Variants in PCDH7 observed in about 807,000 individuals in gnomAD.
PCDH7 encodes the protein protocadherin 7.
A neutral mutation model predicts 58.9 loss-of-function variants in PCDH7; 17 were observed. The ratio of observed to expected loss-of-function variants is 0.29; its 90% CI spans 0.20 to 0.43. The LOEUF (loss-of-function observed/expected upper bound fraction) is 0.43, where lower values mean the gene tolerates loss of function less well. PCDH7 is among the 20% of genes least tolerant of loss of function. The pLI is 1.00. For missense variants in PCDH7, 1,274 were observed against 1,441.0 expected, an observed-to-expected ratio of 0.88 and a Z score of 1.88; for synonymous variants, 664 against 616.4, an observed-to-expected ratio of 1.08 and a Z score of -1.14.
intron 3 of PCDH7, among the ~76,000 whole-genome samples, chr4:30,977,643 T>C (rs1480337565): frequency 6.6e-6 from 1 of 152,174 alleles, no homozygotes; most frequent in Admixed American, 6.5e-5. Flanking sequence ...ACTAGAGTGT[T>C]CTCAGAAATT....
intron 1 of PCDH7, among the ~76,000 whole-genome samples, chr4:30,751,773 A>G (rs1377618607): frequency 6.6e-6 from 1 of 152,174 alleles, no homozygotes; most frequent in Non-Finnish European, 1.5e-5. Flanking sequence ...AAGGAATTTC[A>G]ACTTAATAAA....
At chr4:31,097,192 C>T (rs1553850428) in intron 3 of PCDH7, among the ~76,000 whole-genome samples, 1 of 152,080 alleles carries the variant, frequency 6.6e-6, no homozygotes, top group Non-Finnish European at 1.5e-5. Flanking sequence ...CGCGGTGGCT[C>T]ACACCTGCAA....
intron 3 of PCDH7, among the ~76,000 whole-genome samples, chr4:31,077,275 G>A (rs1326865851): frequency 6.6e-6 from 1 of 151,786 alleles, no homozygotes; most frequent in African/African-American, 2.4e-5. Context: ...CCGGGCGTGT[G>A]GTGCATGCCT....
intron 3 of PCDH7, among the ~76,000 whole-genome samples, chr4:31,060,330 A>T (rs1757590853): frequency 6.6e-6 from 1 of 151,810 alleles, no homozygotes; most frequent in Non-Finnish European, 1.5e-5. Context: ...TCACTTAATT[A>T]TACTTTTGCT....
chr4:30,759,333 C>T (rs937599345), intron 1 of PCDH7, among the ~76,000 whole-genome samples: 33 of 152,038 alleles, frequency 2.2e-4, no homozygotes, highest in African/African-American at 3.4e-4. Flanking sequence ...ATCCTCTGTC[C>T]GAATTTCTTG....
intron 1 of PCDH7, among the ~76,000 whole-genome samples, chr4:30,810,362 A>G (rs1293400739): frequency 6.6e-6 from 1 of 152,150 alleles, no homozygotes; most frequent in East Asian, 1.9e-4. Context: ...TAATAAGTAG[A>G]CATATAGCAA....
intron 1 of PCDH7, among the ~76,000 whole-genome samples, chr4:30,894,489 AAATATATATAT>A (rs1739068803): frequency 2.2e-5 from 1 of 45,928 alleles, no homozygotes; most frequent in Non-Finnish European, 4.0e-5. Flanking sequence ...AAAAAAAAAA[AAATATATATAT>A]ATATATATAT....
intron 3 of PCDH7, among the ~76,000 whole-genome samples, chr4:31,079,800 T>G (rs1461734147): frequency 3.3e-5 from 5 of 151,984 alleles, no homozygotes; most frequent in Non-Finnish European, 7.4e-5. Context: ...GAAGTCTAGA[T>G]CAACACATTT....
intron 1 of PCDH7, among the ~76,000 whole-genome samples, chr4:30,912,761 A>G (rs1397669242): frequency 1.3e-5 from 2 of 152,138 alleles, no homozygotes; most frequent in Non-Finnish European, 1.5e-5. Flanking sequence ...TAAAATCCCC[A>G]TAAAGGTAGT....
intron 3 of PCDH7, among the ~76,000 whole-genome samples, chr4:31,095,569 A>G (rs1713856672): frequency 6.6e-6 from 1 of 152,176 alleles, no homozygotes. Flanking sequence ...TTTTATTCAA[A>G]AAAATAATTT....
At chr4:31,125,513 T>C (rs904424286) in intron 3 of PCDH7, among the ~76,000 whole-genome samples, 1 of 152,216 alleles carries the variant, frequency 6.6e-6, no homozygotes, top group African/African-American at 2.4e-5. Flanking sequence ...CATATGATGG[T>C]TTGGCATATG....
At chr4:30,810,058 G>A (rs1287148901) in intron 1 of PCDH7, among the ~76,000 whole-genome samples, 1 of 151,868 alleles carries the variant, frequency 6.6e-6, no homozygotes, top group Non-Finnish European at 1.5e-5. Flanking sequence ...GTTCTTTCAT[G>A]GCTTTTATAA....
Position 30,948,832 on chromosome 4 carries a change from G to A in PCDH7, c.288-1288G>A, listed in dbSNP as rs193258718. On this transcript the variant is annotated intron_variant, in intron 2 of 3. Coordinates refer to the PCDH7 transcript ENST00000509759. ...GGGTCATGTTATTTTAACTAGATACGATGGCTAATCATAAGGAGTGTGTCA... is the reference window on the plus strand; with the variant it reads ...GGGTCATGTTATTTTAACTAGATACAATGGCTAATCATAAGGAGTGTGTCA... 8.3e-4 allele frequency among the ~76,000 whole-genome samples: 126 copies of A among 152,132 alleles called. 3 individuals are homozygous for A. Among genetic ancestry groups the A allele is most frequent in the Admixed American group, 8.0e-3 (122 of 15,274 alleles).
At chr4:31,016,839 G>A (rs1753645988) in intron 3 of PCDH7, among the ~76,000 whole-genome samples, 2 of 149,610 alleles carry the variant, frequency 1.3e-5, no homozygotes, top group Non-Finnish European at 3.0e-5. Flanking sequence ...TGTGTGTGCT[G>A]GGTGTGTGTG....
At chr4:31,025,914 AGACT>A (rs1202327804) in intron 3 of PCDH7, among the ~76,000 whole-genome samples, 7 of 152,368 alleles carry the variant, frequency 4.6e-5, no homozygotes, top group African/African-American at 1.7e-4. Flanking sequence ...CAGGACATAC[AGACT>A]AAAAAAGTAA....
chr4:31,055,814 T>G (rs1050827716), intron 3 of PCDH7, among the ~76,000 whole-genome samples: 2 of 152,012 alleles, frequency 1.3e-5, no homozygotes. Flanking sequence ...TGACCTCAAA[T>G]GATCCACCCA....
At chr4:30,745,325 TTC>T (rs2109252482) in intron 1 of PCDH7, among the ~76,000 whole-genome samples, 1 of 152,130 alleles carries the variant, frequency 6.6e-6, no homozygotes, top group South Asian at 2.1e-4. Context: ...ATGACTTTTT[TTC>T]TTTTACAATT....
chr4:31,077,388 A>C (rs1469424128), intron 3 of PCDH7, among the ~76,000 whole-genome samples: 2 of 150,734 alleles, frequency 1.3e-5, no homozygotes, highest in Non-Finnish European at 3.0e-5. Context: ...CAGCCTGGGC[A>C]ACAAGAGCGA....
chr4:30,988,203 C>T (rs2109119687), intron 3 of PCDH7, among the ~76,000 whole-genome samples: 1 of 152,152 alleles, frequency 6.6e-6, no homozygotes, highest in African/African-American at 2.4e-5. Flanking sequence ...CACGATAGTA[C>T]CATGTGATAG....
Sources: allele counts gnomAD v4.1 joint callset (sites outside exome capture counted in the v4.1 genomes callset), GRCh38; gene constraint gnomAD v4.1.1; transcripts MANE v1.5; gene names NCBI Gene and HGNC (gene_info 2026-07-23, HGNC 2026-07-21).